RBFOX1: variants seen among roughly 807,000 people sequenced by gnomAD.
RBFOX1 encodes RNA binding protein fox-1 homolog 1.
RBFOX1 carries 8 observed loss-of-function variants against 57.7 expected under a neutral mutation model. That is an observed-to-expected ratio of 0.14 (90% CI 0.08 to 0.25). The LOEUF is 0.25. Among genes scored for constraint, RBFOX1 ranks in the 10% least tolerant of loss-of-function variants. The pLI is 1.00. For synonymous variants in RBFOX1, 326 were observed against 222.4 expected (o/e 1.47, Z -4.15); for missense variants, 611 against 548.5 (o/e 1.11, Z -1.14).
At chr16:6,671,658 C>G (rs2098765774) in intron 3 of RBFOX1, among the ~76,000 whole-genome samples, 1 of 152,198 alleles carries the variant, frequency 6.6e-6, no homozygotes. Context: ...TTCTATCATT[C>G]TTACGCCTTT....
intron 4 of RBFOX1, among the ~76,000 whole-genome samples, chr16:7,370,732 T>G (rs557662837): frequency 1.3e-5 from 2 of 152,340 alleles, no homozygotes; most frequent in African/African-American, 2.4e-5. Context: ...TTTTCCTGTT[T>G]AGGTACCCGA....
At position 5,991,657 on chromosome 16, in the gene RBFOX1, T is replaced by C. The variant is rs1036079910; in HGVS notation, c.351+124322T>C. Among the ~76,000 whole-genome samples the C allele has an allele frequency of 2.9e-3, 442 of 151,452 alleles. 4 individuals carry two copies. Among genetic ancestry groups the C allele is most frequent in the African/African-American group, 0.01 (430 of 41,198 alleles). Reference sequence around the variant, plus strand: ...AAATTATTAGATAGTTTTTTTTTTTTTTTTTTTTTCTTTTTTTGGAAGTTC... The same window carrying C: ...AAATTATTAGATAGTTTTTTTTTTTCTTTTTTTTTCTTTTTTTGGAAGTTC... On this transcript the variant is annotated intron_variant, in intron 4 of 19. Transcript: ENST00000641259.
chr16:7,501,999 C>G (rs1452466423), intron 4 of RBFOX1, among the ~76,000 whole-genome samples: 1 of 152,204 alleles, frequency 6.6e-6, no homozygotes, highest in African/African-American at 2.4e-5. Context: ...GAGTATCATG[C>G]TCTTGCCCAT....
chr16:7,689,280 C>G (rs1012963446), intron 14 of RBFOX1, among the ~76,000 whole-genome samples: 1 of 152,066 alleles, frequency 6.6e-6, no homozygotes, highest in Non-Finnish European at 1.5e-5. Context: ...GTAATCCTTC[C>G]TCTTCTCCAC....
At chr16:7,427,103 C>T (rs371908836) in intron 4 of RBFOX1, among the ~76,000 whole-genome samples, 4 of 151,992 alleles carry the variant, frequency 2.6e-5, no homozygotes, top group Admixed American at 6.6e-5. Context: ...ATCGTGTGAC[C>T]GGGGCCTGTC....
chr16:6,493,083 C>T (rs576350028), intron 2 of RBFOX1, among the ~76,000 whole-genome samples: 2 of 152,114 alleles, frequency 1.3e-5, no homozygotes, highest in African/African-American at 2.4e-5. Flanking sequence ...AAGAGAAAAG[C>T]CTCCATTTTG....
chr16:7,472,147 T>G (rs1232709887), intron 4 of RBFOX1, among the ~76,000 whole-genome samples: 1 of 152,256 alleles, frequency 6.6e-6, no homozygotes, highest in East Asian at 1.9e-4. Flanking sequence ...ATTTCTTCTT[T>G]TTATCCATAG....
intron 1 of RBFOX1, among the ~76,000 whole-genome samples, chr16:5,341,637 A>G (rs1209115743): frequency 6.6e-6 from 1 of 152,156 alleles, no homozygotes; most frequent in African/African-American, 2.4e-5. Context: ...GCTTGGTTTA[A>G]TGCTCTGCTT....
intron 4 of RBFOX1, among the ~76,000 whole-genome samples, chr16:7,442,200 G>A (rs1048081639): frequency 2.0e-5 from 3 of 152,076 alleles, no homozygotes; most frequent in East Asian, 3.9e-4. Context: ...CAGAGCTCCG[G>A]CTTGGTCCTA....
intron 3 of RBFOX1, among the ~76,000 whole-genome samples, chr16:6,763,020 G>C (rs2076842241): frequency 1.0e-5 from 1 of 99,516 alleles, no homozygotes; most frequent in African/African-American, 3.5e-5. Context: ...GCAAGATAGA[G>C]AATGTGACGT....
intron 1 of RBFOX1, among the ~76,000 whole-genome samples, chr16:5,410,611 C>T (rs2066994899): frequency 6.6e-6 from 1 of 152,240 alleles, no homozygotes; most frequent in Non-Finnish European, 1.5e-5. Context: ...AAGGTCTTTA[C>T]AGTGACTTAC....
chr16:5,668,620 G>A (rs954467700), intron 3 of RBFOX1, among the ~76,000 whole-genome samples: 2 of 152,186 alleles, frequency 1.3e-5, no homozygotes, highest in African/African-American at 4.8e-5. Context: ...ACAGGTAGGT[G>A]TGTTATGCAT....
intron 2 of RBFOX1, among the ~76,000 whole-genome samples, chr16:5,534,258 G>A (rs531626122): frequency 1.3e-5 from 2 of 152,270 alleles, no homozygotes; most frequent in South Asian, 2.1e-4. Flanking sequence ...CTGTATTAGA[G>A]TTCTCCAGAG....
rs141954856 is a variant in RBFOX1 at position 6,540,335 on chromosome 16, C to T, written c.-63-114268C>T. Among the ~76,000 whole-genome samples the T allele has an allele frequency of 8.0e-3, 1,221 of 151,726 alleles. 23 individuals carry two copies. The highest frequency in any genetic ancestry group is 0.029 in the African/African-American group (1,180 of 41,392). On this transcript the variant is annotated intron_variant, in intron 2 of 15. Transcript: ENST00000550418. ...TAAAAAAAAAAAACTCAACTCAGGC[C>T]TAGCGTGGTGGCTCACACTTGTAAT...
intron 4 of RBFOX1, among the ~76,000 whole-genome samples, chr16:7,123,858 A>T (rs1317029089): frequency 6.6e-6 from 1 of 152,180 alleles, no homozygotes; most frequent in Admixed American, 6.6e-5. Flanking sequence ...GGCTGTGGTC[A>T]TTTGATCCAG....
intron 6 of RBFOX1, among the ~76,000 whole-genome samples, chr16:7,584,728 G>A (rs1203531936): frequency 2.6e-5 from 4 of 152,188 alleles, no homozygotes; most frequent in Admixed American, 2.6e-4. Context: ...AATTGAAAAT[G>A]TGCCAGCTGT....
chr16:6,459,486 G>A (rs976834265), intron 2 of RBFOX1, among the ~76,000 whole-genome samples: 8 of 152,074 alleles, frequency 5.3e-5, no homozygotes, highest in South Asian at 2.1e-4. Context: ...ATTTGAAATG[G>A]AAGACACCTA....
intron 4 of RBFOX1, among the ~76,000 whole-genome samples, chr16:7,127,229 C>T (rs564516911): frequency 8.5e-5 from 13 of 152,260 alleles, no homozygotes; most frequent in African/African-American, 2.9e-4. Context: ...CGTTATTCAG[C>T]ATTCTCCATA....
chr16:5,773,315 A>G (rs1781698011), intron 3 of RBFOX1, among the ~76,000 whole-genome samples: 1 of 152,232 alleles, frequency 6.6e-6, no homozygotes, highest in South Asian at 2.1e-4. Flanking sequence ...AGTGGTAAGT[A>G]TCATTAACAT....
Sources: allele counts gnomAD v4.1 joint callset (sites outside exome capture counted in the v4.1 genomes callset), GRCh38; gene constraint gnomAD v4.1.1; transcripts MANE v1.5; gene names NCBI Gene and HGNC (gene_info 2026-07-23, HGNC 2026-07-21).